Variants in TENM2 observed in about 807,000 individuals in gnomAD.
The protein encoded by TENM2 is teneurin-2.
Under a neutral mutation model 245.2 loss-of-function variants are expected in TENM2, and 52 were observed. The ratio of observed to expected loss-of-function variants is 0.21; its 90% confidence interval spans 0.17 to 0.27. TENM2 has a LOEUF of 0.27. TENM2 is among the 10% of genes least tolerant of loss of function. TENM2 has a pLI of 1.00. For missense variants in TENM2, 3,046 were observed against 3,666.8 expected, an observed-to-expected ratio of 0.83 and a Z score of 4.37; for synonymous variants, 1,363 against 1,438.9, an observed-to-expected ratio of 0.95 and a Z score of 1.19.
chr5:167,004,237 A>T, the TENM2 span, among the ~76,000 whole-genome samples: 1 of 152,196 alleles, frequency 6.6e-6, no homozygotes, highest in Non-Finnish European at 1.5e-5. Flanking sequence ...ATTAGTTTTC[A>T]CCGATGAGGA....
At position 168,247,382 on chromosome 5, in the gene TENM2, T is replaced by C. The variant is rs763830348; in HGVS notation, c.6443T>C (p.Met2148Thr). Residue 2148 changes from methionine (M) to threonine (T), a missense_variant, in exon 27 of 29, where the codon ATG becomes ACG. This residue lies in a region of TENM2 where 2,704 missense variants were observed against 3,331.9 expected (regional missense o/e 0.81). Coordinates refer to ENST00000518659, the Ensembl canonical transcript of TENM2. This position sits in a 1 kb window ranked among gnomAD's most constrained non-coding sequence, Gnocchi z 7.8. ...AACCAGATCATCACCACTGCCGTGA[T>C]GACCCTCAGCAAACACTTCGACACC... 6.2e-7 allele frequency: 1 copy of C among 1,613,992 alleles called. No homozygotes were observed. The highest frequency in any genetic ancestry group is 8.5e-7 in the Non-Finnish European group (1 of 1,179,890).
At chr5:167,759,672 G>A (rs1031692531) in intron 2 of TENM2, among the ~76,000 whole-genome samples, 1 of 152,112 alleles carries the variant, frequency 6.6e-6, no homozygotes, top group Non-Finnish European at 1.5e-5. Context: ...CCACCTGGGA[G>A]GGCTGTGAAT....
the TENM2 span, among the ~76,000 whole-genome samples, chr5:167,064,870 G>C: frequency 6.6e-6 from 1 of 152,114 alleles, no homozygotes; most frequent in Non-Finnish European, 1.5e-5. Flanking sequence ...TTCTTAGACT[G>C]TGCCAATCTG....
upstream of TENM2, among the ~76,000 whole-genome samples, chr5:167,281,613 G>T (rs1478662873): frequency 6.6e-6 from 1 of 152,162 alleles, no homozygotes; most frequent in Non-Finnish European, 1.5e-5. Context: ...GCAGAGCCAA[G>T]AAAGAGAAAT....
chr5:168,065,163 G>C (rs1180981186), intron 7 of TENM2, among the ~76,000 whole-genome samples: 3 of 152,176 alleles, frequency 2.0e-5, no homozygotes, highest in Non-Finnish European at 2.9e-5. Flanking sequence ...TCTATTGGCT[G>C]TGCTACGTGA....
intron 2 of TENM2, among the ~76,000 whole-genome samples, chr5:167,645,813 A>C (rs1779889643): frequency 6.6e-6 from 1 of 152,198 alleles, no homozygotes; most frequent in East Asian, 1.9e-4. Flanking sequence ...GTAAAAGGAA[A>C]AACAAAAGGC....
chr5:168,260,178 G>A, intron 27 of TENM2, 105 bp from the exon 30 acceptor site: 3 of 1,247,020 alleles, frequency 2.4e-6, no homozygotes, highest in Non-Finnish European at 3.4e-6. Context: ...TCCCCTTTGG[G>A]CCCTACACCC....
the TENM2 span, among the ~76,000 whole-genome samples, chr5:167,120,024 A>T: frequency 2.6e-5 from 4 of 152,150 alleles, no homozygotes; most frequent in Non-Finnish European, 5.9e-5. Flanking sequence ...AGGCAAAGCT[A>T]AACCAAATAG....
rs369942580 is a variant in TENM2 at position 167,583,596 on chromosome 5, TTAGGTTTA to T, written c.502+208127_502+208134del. ...ACCATATGGAGAATTTAGAAGAACT[TTAGGTTTA>T]TAGTACCACAAGATTCCCAGTAGAT... is the stretch of plus-strand genomic sequence containing the variant. On this transcript the variant is annotated intron_variant, in intron 2 of 28. Transcript: ENST00000518659. Among the ~76,000 whole-genome samples, 6 of 151,862 alleles carry T rather than the reference TTAGGTTTA, an allele frequency of 4.0e-5. No homozygotes were observed. In the East Asian group the frequency reaches 9.7e-4, roughly 25 times the overall value.
chr5:167,205,732 T>C, the TENM2 span, among the ~76,000 whole-genome samples: 1 of 152,186 alleles, frequency 6.6e-6, no homozygotes, highest in Non-Finnish European at 1.5e-5. Context: ...AGCAGGGTTC[T>C]TTCTCTCTTT....
At chr5:167,746,710 A>AGAGAGAGAGAGCGAGAGAGAGAGC (rs761614775) in intron 2 of TENM2, among the ~76,000 whole-genome samples, 1 of 144,858 alleles carries the variant, frequency 6.9e-6, no homozygotes, top group Non-Finnish European at 1.5e-5. Flanking sequence ...AGAGAGAGAG[A>AGAGAGAGAGAGCGAGAGAGAGAGC]GAGAGCTGGA....
At chr5:167,139,537 G>A in the TENM2 span, among the ~76,000 whole-genome samples, 4 of 152,176 alleles carry the variant, frequency 2.6e-5, no homozygotes, top group Non-Finnish European at 5.9e-5. Flanking sequence ...GACCTTCCTT[G>A]TTTGCCTATA....
chr5:167,841,332 C>T (rs1769498237), intron 2 of TENM2, among the ~76,000 whole-genome samples: 3 of 152,212 alleles, frequency 2.0e-5, no homozygotes, highest in African/African-American at 7.2e-5. Flanking sequence ...ATTGGGATTA[C>T]AGGCATGAGC....
At chr5:167,758,714 G>A (rs1004339339) in intron 2 of TENM2, among the ~76,000 whole-genome samples, 1 of 152,052 alleles carries the variant, frequency 6.6e-6, no homozygotes, top group African/African-American at 2.4e-5. Flanking sequence ...CTCTGGTTCT[G>A]TAAGTGAAAA....
At chr5:167,145,005 A>T in the TENM2 span, among the ~76,000 whole-genome samples, 1 of 152,220 alleles carries the variant, frequency 6.6e-6, no homozygotes, top group South Asian at 2.1e-4. Context: ...GGCTGCAGGC[A>T]TTCCTCGGCC....
intron 17 of TENM2, among the ~76,000 whole-genome samples, chr5:168,201,981 G>T (rs1394573254): frequency 1.3e-5 from 2 of 152,124 alleles, no homozygotes; most frequent in African/African-American, 4.8e-5. Flanking sequence ...GTTCAGGTTT[G>T]ATTTTTTGAT....
chr5:168,105,564 TCA>T (rs1485070328), intron 9 of TENM2, among the ~76,000 whole-genome samples: 2 of 152,154 alleles, frequency 1.3e-5, no homozygotes, highest in South Asian at 2.1e-4. Flanking sequence ...TTTAAAAAAT[TCA>T]CAGTGTTGTG....
intron 25 of TENM2, among the ~76,000 whole-genome samples, chr5:168,243,009 T>C (rs1581743906): frequency 6.6e-6 from 1 of 152,104 alleles, no homozygotes. Flanking sequence ...ACTACCATCA[T>C]TATTACCAGT....
At chr5:167,908,850 G>A (rs1776324420) in intron 3 of TENM2, among the ~76,000 whole-genome samples, 1 of 151,792 alleles carries the variant, frequency 6.6e-6, no homozygotes, top group Admixed American at 6.6e-5. Context: ...CCACAGATCA[G>A]AGTTAATCTT....
Sources: allele counts gnomAD v4.1 joint callset (sites outside exome capture counted in the v4.1 genomes callset), GRCh38; gene constraint gnomAD v4.1.1; regional missense constraint gnomAD v4.1.1; non-coding constraint Gnocchi (gnomAD v3.1); transcripts MANE v1.5; gene names NCBI Gene and HGNC (gene_info 2026-07-23, HGNC 2026-07-21).